The following RRAS2 variants were observed in gnomAD, a reference collection of about 807,000 sequenced individuals.
RRAS2 encodes RAS related 2, also known as ras-related protein R-Ras2.
Under a neutral mutation model 27.6 loss-of-function variants are expected in RRAS2, and 7 were observed. That is an observed-to-expected ratio of 0.25 (90% CI 0.14 to 0.48). The LOEUF (loss-of-function observed/expected upper bound fraction) is 0.48. Among genes scored for constraint, RRAS2 ranks in the 20% least tolerant of loss-of-function variants. RRAS2 has a pLI of 0.99. For synonymous variants in RRAS2, 86 were observed against 90.9 expected, an observed-to-expected ratio of 0.95 and a Z score of 0.31; for missense variants, 178 against 256.2, an observed-to-expected ratio of 0.69 and a Z score of 2.08.
intron 4 of RRAS2, among the ~76,000 whole-genome samples, chr11:14,287,238 AG>A (rs1208058174): frequency 6.6e-6 from 1 of 152,220 alleles, no homozygotes; most frequent in Non-Finnish European, 1.5e-5. Flanking sequence ...CTCTGAGGCT[AG>A]GAAGTTAAGA....
intron 1 of RRAS2, among the ~76,000 whole-genome samples, chr11:14,342,561 A>C (rs1554953411): frequency 2.6e-5 from 4 of 152,220 alleles, no homozygotes; most frequent in Non-Finnish European, 5.9e-5. Flanking sequence ...ATTGTATAGG[A>C]AAATGAAGTC....
chr11:14,364,478 G>A (rs1367207666), exon 1 of RRAS2: 26 of 1,255,210 alleles, frequency 2.1e-5, no homozygotes, highest in Middle Eastern at 1.8e-4. Flanking sequence ...GAATGAAACC[G>A]CCCAGCAGGA....
chr11:14,295,709 G>T, intron 2 of RRAS2, 59 bp downstream of exon 2: 1 of 1,284,626 alleles, frequency 7.8e-7, no homozygotes. Context: ...CAAAACATCA[G>T]CGCTTACTTT....
chr11:14,346,841 T>C (rs1554954120), intron 1 of RRAS2, among the ~76,000 whole-genome samples: 1 of 152,162 alleles, frequency 6.6e-6, no homozygotes, highest in East Asian at 1.9e-4. Context: ...AATAAATACA[T>C]ACAATTTTAT....
chr11:14,339,320 A>G (rs1245697071), intron 1 of RRAS2, among the ~76,000 whole-genome samples: 10 of 149,000 alleles, frequency 6.7e-5, no homozygotes, highest in African/African-American at 2.2e-4. Context: ...AAAAATCTAT[A>G]ATAAAAAAAT....
chr11:14,346,771 T>C (rs550931924), intron 1 of RRAS2, among the ~76,000 whole-genome samples: 4 of 152,334 alleles, frequency 2.6e-5, no homozygotes, highest in Non-Finnish European at 5.9e-5. Flanking sequence ...ATAGTACGTA[T>C]GTTAGCTATA....
Position 14,324,858 on chromosome 11 carries a change from C to G in RRAS2, c.109-29003G>C, listed in dbSNP as rs558997500. Among the ~76,000 whole-genome samples, 290 of 152,052 alleles carry G rather than the reference C, an allele frequency of 1.9e-3. 1 individual carries two copies. Among genetic ancestry groups the G allele is most frequent in the African/African-American group, 6.6e-3 (275 of 41,456 alleles). On this transcript the variant is annotated intron_variant, in intron 1 of 5. Transcript: ENST00000256196. ...AAAATAAATCCACATGAATGAAATTCGATATATAAATAGAAGAGCAGATCA... is the reference window on the plus strand; with the variant it reads ...AAAATAAATCCACATGAATGAAATTGGATATATAAATAGAAGAGCAGATCA...
Position 14,359,043 on chromosome 11 carries a change from C to G in RRAS2, c.-173G>C. ...CAGCGCGGTAGCGCGGCGCTGGGGA[C>G]TGGCTGGGTACCGCCCGAGGCGCGG... On this transcript the variant is annotated 5_prime_UTR_variant, in exon 1 of 6. Coordinates refer to ENST00000256196, the MANE Select transcript of RRAS2 (RefSeq NM_012250.6). 6.3e-6 allele frequency: 7 copies of G among 1,115,986 alleles called. No homozygotes were observed. Among genetic ancestry groups the G allele is most frequent in the Non-Finnish European group, 7.7e-6 (7 of 914,806 alleles). 69.1% of individuals were successfully genotyped at this position (1,115,986 alleles called of 1,614,324 possible).
upstream of RRAS2, among the ~76,000 whole-genome samples, chr11:14,363,110 C>A (rs1014052734): frequency 5.3e-5 from 8 of 152,200 alleles, 1 homozygote; most frequent in East Asian, 1.5e-3. Flanking sequence ...GAATATCTAG[C>A]AACACTGGAC....
chr11:14,330,007 C>T (rs567785225), intron 1 of RRAS2, among the ~76,000 whole-genome samples: 3 of 152,204 alleles, frequency 2.0e-5, no homozygotes, highest in Admixed American at 6.5e-5. Flanking sequence ...CCCAAGAGTT[C>T]GAGCCTATAG....
At chr11:14,351,984 T>C (rs1211824442) in intron 1 of RRAS2, among the ~76,000 whole-genome samples, 1 of 152,162 alleles carries the variant, frequency 6.6e-6, no homozygotes, top group Admixed American at 6.5e-5. Context: ...GCATCATGTC[T>C]TCAACTTACA....
At chr11:14,347,385 T>G (rs1199355765) in intron 1 of RRAS2, among the ~76,000 whole-genome samples, 3 of 152,048 alleles carry the variant, frequency 2.0e-5, no homozygotes, top group Non-Finnish European at 4.4e-5. Context: ...CTGACACAAT[T>G]TTGGTTGTTG....
chr11:14,304,816 T>C (rs1384227639), intron 1 of RRAS2, among the ~76,000 whole-genome samples: 1 of 152,222 alleles, frequency 6.6e-6, no homozygotes, highest in Non-Finnish European at 1.5e-5. Flanking sequence ...GCTGGGCTCC[T>C]CCTTGTGTCA....
intron 1 of RRAS2, among the ~76,000 whole-genome samples, chr11:14,351,239 A>AT (rs1554954734): frequency 2.0e-5 from 3 of 152,224 alleles, no homozygotes; most frequent in African/African-American, 7.2e-5. Context: ...TATCAATGTC[A>AT]TAAAACACAG....
chr11:14,356,996 C>T (rs1175321269), intron 1 of RRAS2, among the ~76,000 whole-genome samples: 15 of 151,906 alleles, frequency 9.9e-5, no homozygotes, highest in African/African-American at 3.6e-4. Flanking sequence ...CTATATTGGC[C>T]AGGCTGGTCT....
At chr11:14,357,104 T>C (rs1849096457) in intron 1 of RRAS2, among the ~76,000 whole-genome samples, 1 of 152,164 alleles carries the variant, frequency 6.6e-6, no homozygotes. Flanking sequence ...GCTTTCTTAA[T>C]GGTTTAATAC....
intron 1 of RRAS2, among the ~76,000 whole-genome samples, chr11:14,345,131 C>T (rs970412440): frequency 1.6e-4 from 25 of 151,852 alleles, no homozygotes; most frequent in African/African-American, 4.6e-4. Context: ...GGATTATTGG[C>T]GCGTGTCACT....
chr11:14,353,633 C>A (rs1373371678), intron 1 of RRAS2, among the ~76,000 whole-genome samples: 13 of 150,042 alleles, frequency 8.7e-5, no homozygotes, highest in African/African-American at 1.2e-4. Flanking sequence ...ATTCCTACAA[C>A]TTCCTTATCC....
intron 4 of RRAS2, among the ~76,000 whole-genome samples, chr11:14,290,101 CGTAA>C (rs1312635364): frequency 2.0e-5 from 3 of 152,114 alleles, no homozygotes; most frequent in Admixed American, 2.0e-4. Context: ...GGTAGAACAA[CGTAA>C]GTGTGTCAAG....
Sources: gnomAD v4.1 joint callset for allele counts (sites outside exome capture counted in the v4.1 genomes callset) on GRCh38, gnomAD v4.1.1 for gene constraint, MANE v1.5 for transcripts, NCBI Gene and HGNC (gene_info 2026-07-23, HGNC 2026-07-21) for gene names.